PTPN3: variants seen among roughly 807,000 people sequenced by gnomAD.
The protein encoded by PTPN3 is protein tyrosine phosphatase non-receptor type 3.
In PTPN3, 96 loss-of-function variants were observed where a neutral mutation model predicts 132.7. That is an observed-to-expected ratio of 0.72 (90% CI 0.61 to 0.86). The LOEUF (loss-of-function observed/expected upper bound fraction) is 0.86. PTPN3 is among the 40% of genes least tolerant of loss of function. PTPN3 has a pLI of 0.00. For missense variants in PTPN3, 1,125 were observed against 1,159.6 expected (o/e 0.97, Z 0.43); for synonymous variants, 398 against 429.0 (o/e 0.93, Z 0.89).
chr9:109,403,952 C>T (rs1383454265), intron 19 of PTPN3, among the ~76,000 whole-genome samples: 1 of 152,220 alleles, frequency 6.6e-6, no homozygotes, highest in East Asian at 1.9e-4. Flanking sequence ...GGGCGAGACA[C>T]TATGCCCTCA....
the PTPN3 span, among the ~76,000 whole-genome samples, chr9:109,527,968 A>G: frequency 6.6e-6 from 1 of 152,236 alleles, no homozygotes; most frequent in East Asian, 1.9e-4. Context: ...AGATTACTTC[A>G]CAGAGGAGGA....
At chr9:109,484,496 C>G (rs2132108802) in intron 1 of PTPN3, among the ~76,000 whole-genome samples, 1 of 152,340 alleles carries the variant, frequency 6.6e-6, no homozygotes, top group East Asian at 1.9e-4. Context: ...GGATGGACAT[C>G]TGAATCTGAA....
chr9:109,437,069 G>T, intron 8 of PTPN3, 99 bp from the exon 9 acceptor site: 1 of 1,528,766 alleles, frequency 6.5e-7, no homozygotes, highest in South Asian at 1.2e-5. Context: ...TTTCTGTAAG[G>T]TTATTAAATG....
At chr9:109,420,963 A>T (rs1355483546) in intron 13 of PTPN3, among the ~76,000 whole-genome samples, 3 of 152,208 alleles carry the variant, frequency 2.0e-5, no homozygotes, top group Non-Finnish European at 4.4e-5. Context: ...TATTCAGATA[A>T]TTTTTCTGAT....
the PTPN3 span, among the ~76,000 whole-genome samples, chr9:109,538,289 C>T: frequency 1.3e-5 from 2 of 152,168 alleles, no homozygotes; most frequent in Admixed American, 6.5e-5. Flanking sequence ...TGCTGTTGGA[C>T]TACTGGAGAA....
chr9:109,406,353 C>T, intron 18 of PTPN3, 109 bp downstream of exon 18: 7 of 1,352,388 alleles, frequency 5.2e-6, no homozygotes, highest in Non-Finnish European at 7.1e-6. Flanking sequence ...TCTTGATTTT[C>T]AAATGTTGGC....
Position 109,457,293 on chromosome 9 carries a change from G to A in PTPN3, c.245C>T (p.Pro82Leu). ...ACATTTTTTAAAAATGGCACTTACA[G>A]GAGAGTCCACGGAGTCGTCATCATG... ...LQHDDDSVDS[P>L]RWLEASKAIR... is the part of the protein sequence containing the mutation. Residue 82 changes from proline to leucine, a missense_variant and splice_region_variant, in exon 3 of 26, where the codon CCT (proline) becomes CTT (leucine). By Grantham distance (98) the Pro-to-Leu change is moderately conservative. Coordinates refer to ENST00000374541, the MANE Select transcript of PTPN3 (RefSeq NM_002829.4). 1 of 1,613,750 alleles carries A rather than the reference G, an allele frequency of 6.2e-7. No individual in the cohort carries two copies. Among genetic ancestry groups the A allele is most frequent in the Non-Finnish European group, 8.5e-7 (1 of 1,179,662 alleles).
intron 1 of PTPN3, among the ~76,000 whole-genome samples, chr9:109,464,251 T>C (rs895435969): frequency 2.6e-5 from 4 of 152,186 alleles, no homozygotes; most frequent in Admixed American, 6.5e-5. Context: ...CATATGCATT[T>C]ATTGTGATAG....
intron 18 of PTPN3, 77 bp downstream of exon 18, chr9:109,406,385 A>G: frequency 6.8e-7 from 1 of 1,461,414 alleles, no homozygotes; most frequent in South Asian, 1.3e-5. Context: ...CATTTTCAAG[A>G]GCAGATAAAG....
At chr9:109,426,377 T>G (rs1005322896) in intron 12 of PTPN3, among the ~76,000 whole-genome samples, 3 of 151,828 alleles carry the variant, frequency 2.0e-5, no homozygotes, top group Admixed American at 1.3e-4. Context: ...ATATCATTCC[T>G]GTGGCTAATA....
chr9:109,504,065 G>A, the PTPN3 span, among the ~76,000 whole-genome samples: 1 of 152,188 alleles, frequency 6.6e-6, no homozygotes, highest in Admixed American at 6.6e-5. Context: ...ATTTTAAATA[G>A]GATTGAGAAA....
At chr9:109,527,623 G>A in the PTPN3 span, among the ~76,000 whole-genome samples, 1 of 152,210 alleles carries the variant, frequency 6.6e-6, no homozygotes, top group African/African-American at 2.4e-5. Context: ...GAATTGTAAT[G>A]TTCCCAACTG....
In PTPN3 at chr9:109,410,263, G is replaced by A. The variant is rs1841973370; in HGVS notation, c.1466C>T (p.Ser489Phe). 2 of 1,614,146 alleles carry A rather than the reference G, an allele frequency of 1.2e-6. No homozygotes were observed. Among genetic ancestry groups the A allele is most frequent in the Non-Finnish European group, 1.7e-6 (2 of 1,180,022 alleles). ...DDFHRVTKGG[S>F]TEDASQYYCD... The stretch of plus-strand genomic sequence containing the variant: ...GTAGTACTGGCTGGCGTCCTCGGTG[G>A]AGCCCCCTTTGGTCACCCTGTGGAA... Residue 489 changes from serine to phenylalanine, a missense_variant, in exon 15 of 26, where the codon TCC (serine) becomes TTC (phenylalanine). Physicochemically the swap from Ser to Phe is radical, Grantham distance 155. Transcript: ENST00000374541.
intron 25 of PTPN3, among the ~76,000 whole-genome samples, chr9:109,381,324 A>G (rs993081850): frequency 6.6e-6 from 1 of 152,192 alleles, no homozygotes; most frequent in Non-Finnish European, 1.5e-5. Context: ...GTAGGGTCAT[A>G]TGCAACATCC....
intron 19 of PTPN3, among the ~76,000 whole-genome samples, chr9:109,403,260 CATTTT>C (rs1243325656): frequency 6.6e-6 from 1 of 152,186 alleles, no homozygotes; most frequent in African/African-American, 2.4e-5. Flanking sequence ...TGCATTCCTT[CATTTT>C]AAACATTCCT....
chr9:109,392,769 A>C (rs922433679), intron 19 of PTPN3: 2 of 151,990 alleles, frequency 1.3e-5, no homozygotes, highest in Admixed American at 6.6e-5. Context: ...ATGCCTGGCT[A>C]ATTTTTGTAT....
chr9:109,450,143 C>T (rs961659750), intron 5 of PTPN3: 13 of 984,328 alleles, frequency 1.3e-5, no homozygotes, highest in Admixed American at 6.2e-5. Context: ...GGATCCATGT[C>T]GTAACTCTAA....
At chr9:109,486,957 T>C (rs948833006) in intron 1 of PTPN3, among the ~76,000 whole-genome samples, 1 of 152,190 alleles carries the variant, frequency 6.6e-6, no homozygotes, top group African/African-American at 2.4e-5. Flanking sequence ...GATTGTAAGT[T>C]TCCCAAGGCC....
chr9:109,509,295 T>G, the PTPN3 span, among the ~76,000 whole-genome samples: 1 of 152,210 alleles, frequency 6.6e-6, no homozygotes, highest in Non-Finnish European at 1.5e-5. Context: ...GCCCCAGTGT[T>G]GTCAGCCTCT....
Sources: allele counts gnomAD v4.1 joint callset (sites outside exome capture counted in the v4.1 genomes callset), GRCh38; gene constraint gnomAD v4.1.1; transcripts MANE v1.5; gene names NCBI Gene and HGNC (gene_info 2026-07-23, HGNC 2026-07-21).